Variants in DAP observed in about 807,000 individuals in gnomAD.
DAP encodes the protein death associated protein, also known as death-associated protein 1.
In DAP, 8 loss-of-function variants were observed where a neutral mutation model predicts 13.8. The observed-to-expected ratio is 0.58, with a 90% CI of 0.34 to 1.05. DAP has a LOEUF of 1.05. DAP is among the 50% of genes least tolerant of loss of function. The probability of loss-of-function intolerance (pLI) is 0.03; values close to 1 mark genes in which losing one functional copy is unlikely to be tolerated. For missense variants in DAP, 106 were observed against 133.2 expected (o/e 0.80, Z 1.01); for synonymous variants, 47 against 47.5 (o/e 0.99, Z 0.04).
Position 10,680,716 on chromosome 5 carries a change from T to C in DAP, c.*340A>G, listed in dbSNP as rs773222052. ...CCTTAATCTCATCTTCTCAAATGTGTGCCTTCTTGTTTTTAAGACCATAGA... is the reference window on the plus strand; with the variant it reads ...CCTTAATCTCATCTTCTCAAATGTGCGCCTTCTTGTTTTTAAGACCATAGA... On this transcript the variant is annotated 3_prime_UTR_variant, in exon 4 of 4. Transcript: ENST00000230895. The C allele has an allele frequency of 1.3e-6, 2 of 1,533,904 alleles. No homozygotes were observed. The highest frequency in any genetic ancestry group is 1.4e-5 in the African/African-American group (1 of 72,902).
intron 2 of DAP, among the ~76,000 whole-genome samples, chr5:10,734,524 G>C (rs755465444): frequency 6.6e-6 from 1 of 152,168 alleles, no homozygotes; most frequent in Admixed American, 6.5e-5. Flanking sequence ...TTCACTGCCT[G>C]CCAGCCTCAA....
intron 2 of DAP, among the ~76,000 whole-genome samples, chr5:10,727,999 T>C (rs1416825181): frequency 6.6e-6 from 1 of 152,230 alleles, no homozygotes; most frequent in Non-Finnish European, 1.5e-5. Context: ...TCAGTACAGA[T>C]GCAATCATCC....
intron 2 of DAP, among the ~76,000 whole-genome samples, chr5:10,695,383 G>A (rs1738417302): frequency 6.6e-6 from 1 of 152,232 alleles, no homozygotes; most frequent in Non-Finnish European, 1.5e-5. Context: ...TAATTGTCAC[G>A]AGTCTGACCA....
At chr5:10,741,154 C>T (rs900004649) in intron 2 of DAP, among the ~76,000 whole-genome samples, 4 of 151,924 alleles carry the variant, frequency 2.6e-5, no homozygotes, top group Admixed American at 2.6e-4. Context: ...AGTTTGAGAC[C>T]AGCCTGGGCA....
chr5:10,725,557 T>G (rs1739268905), intron 2 of DAP, among the ~76,000 whole-genome samples: 1 of 152,234 alleles, frequency 6.6e-6, no homozygotes, highest in Non-Finnish European at 1.5e-5. Flanking sequence ...AAGCTTGAGT[T>G]GACAATTGGG....
At chr5:10,693,946 C>T (rs1271278548) in intron 2 of DAP, among the ~76,000 whole-genome samples, 1 of 152,160 alleles carries the variant, frequency 6.6e-6, no homozygotes, top group African/African-American at 2.4e-5. Context: ...CATCTGAGTT[C>T]CTTCGGCAGG....
chr5:10,714,865 C>T (rs1481429916), intron 2 of DAP, among the ~76,000 whole-genome samples: 3 of 152,132 alleles, frequency 2.0e-5, no homozygotes, highest in Admixed American at 6.5e-5. Flanking sequence ...GACGCCTGCT[C>T]CCCCTTTGCC....
intron 2 of DAP, among the ~76,000 whole-genome samples, chr5:10,736,983 C>G (rs1411984828): frequency 6.6e-6 from 1 of 152,214 alleles, no homozygotes; most frequent in Non-Finnish European, 1.5e-5. Context: ...TGGCCCGTGG[C>G]ACTCCAGCAC....
At chr5:10,693,613 G>A (rs1446974635) in intron 2 of DAP, among the ~76,000 whole-genome samples, 1 of 152,190 alleles carries the variant, frequency 6.6e-6, no homozygotes, top group African/African-American at 2.4e-5. Context: ...TTTGCCCAAG[G>A]GTTGCACAGT....
chr5:10,685,925 G>GAC (rs111266561), intron 2 of DAP, among the ~76,000 whole-genome samples: 11,820 of 151,912 alleles, frequency 0.078, 586 homozygotes, highest in African/African-American at 0.13. Flanking sequence ...CCCCTCTACA[G>GAC]ACACACACAC....
intron 2 of DAP, among the ~76,000 whole-genome samples, chr5:10,728,081 CCA>C (rs10532506): frequency 0.84 from 127,561 of 152,062 alleles, 54,187 homozygotes; most frequent in Non-Finnish European, 0.91. Context: ...GATGCAGAAC[CCA>C]CAGATACAGA....
chr5:10,732,736 G>A (rs1308644775), intron 2 of DAP, among the ~76,000 whole-genome samples: 1 of 152,110 alleles, frequency 6.6e-6, no homozygotes, highest in Non-Finnish European at 1.5e-5. Flanking sequence ...CTTTTTGAGG[G>A]TCCATCAAAC....
At chr5:10,689,658 C>T (rs961019973) in intron 2 of DAP, among the ~76,000 whole-genome samples, 7 of 152,178 alleles carry the variant, frequency 4.6e-5, no homozygotes, top group South Asian at 2.1e-4. Flanking sequence ...TGAGGCCCAC[C>T]GGGTGTGGCG....
In DAP at chr5:10,760,781, C is replaced by T. The variant is rs528900343; in HGVS notation, c.55+233G>A. ...CACAGGTACGCGGCCGCCCGCGGTCCTCAGGAAGAAACGCTTCGCCGCCGC... is the reference window on the plus strand; with the variant it reads ...CACAGGTACGCGGCCGCCCGCGGTCTTCAGGAAGAAACGCTTCGCCGCCGC... On this transcript the variant is annotated intron_variant, in intron 1 of 3. Transcript: ENST00000230895. Among the ~76,000 whole-genome samples, 10 of 152,222 alleles carry T rather than the reference C, an allele frequency of 6.6e-5. No individual in the cohort carries two copies. The East Asian group carries it at 1.6e-3, about 24-fold the overall frequency.
chr5:10,722,565 T>TATACATAC (rs3031113), intron 2 of DAP, among the ~76,000 whole-genome samples: 6 of 146,842 alleles, frequency 4.1e-5, no homozygotes, highest in African/African-American at 7.6e-5. Context: ...CATGCATATA[T>TATACATAC]ATACATACAT....
chr5:10,735,832 G>C (rs1273037708), intron 2 of DAP, among the ~76,000 whole-genome samples: 2 of 152,342 alleles, frequency 1.3e-5, no homozygotes, highest in Middle Eastern at 3.4e-3. Context: ...GGTACTGCCA[G>C]CTGACGCCTA....
At chr5:10,711,909 G>C (rs1034276910) in intron 2 of DAP, among the ~76,000 whole-genome samples, 1 of 152,172 alleles carries the variant, frequency 6.6e-6, no homozygotes, top group East Asian at 1.9e-4. Context: ...GGGCAGGAAG[G>C]ACTTGAGGCA....
chr5:10,680,858 G>A lies in DAP; in HGVS notation c.*198C>T, dbSNP rs1289781712. The A allele has an allele frequency of 6.5e-7, 1 of 1,536,934 alleles. No individual in the cohort carries two copies. Among genetic ancestry groups the A allele is most frequent in the Admixed American group, 2.0e-5 (1 of 51,004 alleles). ...ATGATCCTCAAATGACATCCAACCA[G>A]ACTCCCCATAAACAAGGTTTGGGCT... On this transcript the variant is annotated 3_prime_UTR_variant, in exon 4 of 4. Transcript: ENST00000230895.
At chr5:10,717,337 G>T (rs1739016095) in intron 2 of DAP, among the ~76,000 whole-genome samples, 1 of 152,322 alleles carries the variant, frequency 6.6e-6, no homozygotes, top group Non-Finnish European at 1.5e-5. Flanking sequence ...TGAAACAAAA[G>T]GTTCGTGCAC....
Sources: gnomAD v4.1 joint callset for allele counts (sites outside exome capture counted in the v4.1 genomes callset) on GRCh38, gnomAD v4.1.1 for gene constraint, MANE v1.5 for transcripts, NCBI Gene and HGNC (gene_info 2026-07-23, HGNC 2026-07-21) for gene names.